LRIG3: variants seen among roughly 807,000 people sequenced by gnomAD.
The protein encoded by LRIG3 is leucine-rich repeats and immunoglobulin-like domains protein 3.
In LRIG3, 76 loss-of-function variants were observed where a neutral mutation model predicts 114.5. The ratio of observed to expected loss-of-function variants is 0.66; its 90% confidence interval spans 0.55 to 0.80. The LOEUF (loss-of-function observed/expected upper bound fraction) is 0.80. Among genes scored for constraint, LRIG3 ranks in the 30% least tolerant of loss-of-function variants. The pLI is 0.00. For synonymous variants in LRIG3, 512 were observed against 519.8 expected (o/e 0.98, Z 0.20); for missense variants, 1,239 against 1,382.8 (o/e 0.90, Z 1.65).
At chr12:58,919,970 G>C in intron 1 of LRIG3, 30 bp downstream of exon 1, 1 of 1,540,968 alleles carries the variant, frequency 6.5e-7, no homozygotes, top group Non-Finnish European at 8.8e-7. Context: ...AGCGGCCCGG[G>C]CCCCCTCCCC....
chr12:58,872,836 TG>T lies in LRIG3; in HGVS notation c.3116-21del. ...AGGTACCTGAAAGAAAGAAACACCT[TG>T]AGCACATGGGTCCCTTTGCTAGCAT... On this transcript the variant is annotated intron_variant, in intron 18 of 18. Transcript: ENST00000320743. The T allele has an allele frequency of 6.2e-7, 1 of 1,603,328 alleles. No homozygotes were observed. Among genetic ancestry groups the T allele is most frequent in the Non-Finnish European group, 8.5e-7 (1 of 1,173,564 alleles).
At chr12:58,906,390 G>C (rs1872067121) in intron 3 of LRIG3, among the ~76,000 whole-genome samples, 1 of 152,022 alleles carries the variant, frequency 6.6e-6, no homozygotes. Context: ...TCTGAATTCA[G>C]AGCATATTAA....
intron 15 of LRIG3, 149 bp downstream of exon 15, chr12:58,877,251 T>A (rs1162118341): frequency 9.0e-6 from 7 of 778,114 alleles, no homozygotes; most frequent in Non-Finnish European, 1.4e-5. Flanking sequence ...GGGCTGGAGT[T>A]TTTTAGCGAA....
In LRIG3 at chr12:58,883,568, A is replaced by T; in HGVS notation, c.1268T>A (p.Met423Lys). 6.4e-7 allele frequency: 1 copy of T among 1,551,696 alleles called. No individual in the cohort carries two copies. The highest frequency in any genetic ancestry group is 8.8e-7 in the Non-Finnish European group (1 of 1,136,012). ...TGAAAATGCATTGCCTTGTAAAGAC[A>T]TGATTGCGTTGTCACTCAGGTCTCT... ...EHLDLSDNAI[M>K]SLQGNAFSQM... The change falls in exon 11 of 19, where the codon ATG (methionine) becomes AAG (lysine). Residue 423 changes from methionine (M) to lysine (K), a missense_variant. Transcript: ENST00000320743.
intron 5 of LRIG3, 25 bp downstream of exon 5, chr12:58,889,971 G>C: frequency 6.2e-7 from 1 of 1,611,592 alleles, no homozygotes; most frequent in Non-Finnish European, 8.5e-7. Flanking sequence ...GTGAGAAACA[G>C]TATCTAAGAG....
intron 16 of LRIG3, among the ~76,000 whole-genome samples, chr12:58,875,566 C>T (rs574136275): frequency 3.3e-5 from 5 of 152,320 alleles, no homozygotes; most frequent in African/African-American, 9.6e-5. Flanking sequence ...ATGTGCCTAG[C>T]GCCATGTAGT....
chr12:58,879,533 A>G (rs575209694), intron 13 of LRIG3, among the ~76,000 whole-genome samples: 2 of 152,266 alleles, frequency 1.3e-5, no homozygotes, highest in East Asian at 3.9e-4. Context: ...TTTGCCCTAC[A>G]ATTTAAACTC....
At chr12:58,902,863 T>C (rs1404862695) in intron 3 of LRIG3, among the ~76,000 whole-genome samples, 1 of 152,116 alleles carries the variant, frequency 6.6e-6, no homozygotes, top group Admixed American at 6.6e-5. Flanking sequence ...AATGATGATT[T>C]CCAATTTCAT....
chr12:58,886,990 C>T (rs1473319828), intron 8 of LRIG3, 100 bp from the exon 9 acceptor site: 2 of 754,256 alleles, frequency 2.7e-6, no homozygotes, highest in African/African-American at 1.8e-5. Context: ...CTCATAATTC[C>T]CCACATTATC....
At chr12:58,907,265 T>A (rs1644014069) in intron 3 of LRIG3, among the ~76,000 whole-genome samples, 2 of 152,344 alleles carry the variant, frequency 1.3e-5, no homozygotes, top group South Asian at 4.1e-4. Flanking sequence ...GTAGGCATTG[T>A]TGCTGGGCAT....
intron 3 of LRIG3, among the ~76,000 whole-genome samples, chr12:58,898,203 A>G (rs1871712261): frequency 1.3e-5 from 2 of 152,054 alleles, no homozygotes; most frequent in Non-Finnish European, 2.9e-5. Flanking sequence ...AACTCAAACT[A>G]CAGCTCCCCA....
chr12:58,907,763 A>T (rs1021902030), intron 3 of LRIG3, among the ~76,000 whole-genome samples: 1 of 152,166 alleles, frequency 6.6e-6, no homozygotes, highest in African/African-American at 2.4e-5. Context: ...TGTGAGTCCA[A>T]TTCCCAGCTC....
chr12:58,880,508 AAG>A, intron 13 of LRIG3, 71 bp downstream of exon 13: 1 of 1,435,514 alleles, frequency 7.0e-7, no homozygotes, highest in Non-Finnish European at 9.7e-7. Flanking sequence ...GGTTAAGATT[AAG>A]AGAGAAAAAC....
intron 11 of LRIG3, 49 bp downstream of exon 11, chr12:58,883,471 G>A: frequency 7.3e-7 from 1 of 1,361,246 alleles, no homozygotes; most frequent in Non-Finnish European, 1.0e-6. Context: ...CCATATGACA[G>A]TTTTCCCCTC....
At chr12:58,904,901 TA>T (rs1872002575) in intron 3 of LRIG3, among the ~76,000 whole-genome samples, 1 of 151,912 alleles carries the variant, frequency 6.6e-6, no homozygotes, top group Non-Finnish European at 1.5e-5. Flanking sequence ...AATAGATGAG[TA>T]AAAAATACAA....
Position 58,872,611 on chromosome 12 carries a change from G to A in LRIG3, c.3321C>T (p.Tyr1107=), listed in dbSNP as rs1174192289. ...CATAAGACTGAAAATTTGGAGTCCT[G>A]TAGTTTTCTAAAGTCTGTTTAAAGG... ...ICTFKQTLEN[Y]RTPNFQSYDL... is the part of the protein sequence containing the mutation. The change falls in exon 19 of 19, where the codon TAC becomes TAT. Residue 1107 remains tyrosine, a synonymous_variant. Transcript: ENST00000320743. 1 of 1,613,958 alleles carries A rather than the reference G, an allele frequency of 6.2e-7. No homozygotes were observed. The highest frequency in any genetic ancestry group is 2.2e-5 in the East Asian group (1 of 44,866).
Position 58,890,159 on chromosome 12 carries a change from G to A in LRIG3, c.516-20C>T, listed in dbSNP as rs1167131504. 6.2e-7 allele frequency: 1 copy of A among 1,609,544 alleles called. No individual in the cohort carries two copies. Among genetic ancestry groups the A allele is most frequent in the South Asian group, 1.1e-5 (1 of 90,586 alleles). On this transcript the variant is annotated intron_variant, in intron 4 of 18. Coordinates refer to ENST00000320743, the MANE Select transcript of LRIG3 (RefSeq NM_153377.5). ...AGATACCTGTTGAAAGTTTAAAGAT[G>A]AGCTTCTCCTTCTGATTTATTTGCA... is the stretch of plus-strand genomic sequence containing the variant.
intron 10 of LRIG3, among the ~76,000 whole-genome samples, chr12:58,884,452 A>G (rs1871211007): frequency 6.6e-6 from 1 of 152,214 alleles, no homozygotes; most frequent in African/African-American, 2.4e-5. Context: ...TGGGGCAATC[A>G]AGGAAGATTT....
chr12:58,874,007 T>C, intron 18 of LRIG3, 48 bp downstream of exon 18: 3 of 1,599,754 alleles, frequency 1.9e-6, no homozygotes, highest in Non-Finnish European at 2.6e-6. Context: ...ACACACAACT[T>C]GGAGTATGGA....
Sources: allele counts gnomAD v4.1 joint callset (sites outside exome capture counted in the v4.1 genomes callset), GRCh38; gene constraint gnomAD v4.1.1; transcripts MANE v1.5; gene names NCBI Gene and HGNC (gene_info 2026-07-23, HGNC 2026-07-21).